Variants in TRAP1 observed in about 807,000 individuals in gnomAD.
TRAP1 encodes the protein heat shock protein 75 kDa, mitochondrial.
Under a neutral mutation model 89.1 loss-of-function variants are expected in TRAP1, and 102 were observed. The observed-to-expected ratio is 1.15, with a 90% CI of 0.98 to 1.35. The LOEUF is 1.35. Ranked by LOEUF, TRAP1 falls within the 40% of genes most tolerant of loss-of-function variation. The pLI, the probability that TRAP1 is intolerant of heterozygous loss-of-function variation, is 0.00. For missense variants in TRAP1, 1,256 were observed against 945.3 expected, an observed-to-expected ratio of 1.33 and a Z score of -4.31; for synonymous variants, 508 against 388.0, an observed-to-expected ratio of 1.31 and a Z score of -3.64.
rs750463851 is a variant in TRAP1, at chr16:3,661,987, C to T, written c.1940G>A (p.Arg647Lys). The change falls in exon 16 of 18, where the codon AGG (arginine) becomes AAG (lysine). Residue 647 changes from arginine (R) to lysine (K), a missense_variant and splice_region_variant. By Grantham distance (26) the Arg-to-Lys change is conservative. Coordinates refer to ENST00000246957, the MANE Select transcript of TRAP1 (RefSeq NM_016292.3). ...LLQPTLEINPRHALIKKLNQL... is the reference protein window; with the variant it reads ...LLQPTLEINPKHALIKKLNQL... ...GGAAGAGCCAGGAGCGTGGCCTCAC[C>T]TGGGGTTGATCTCCAGCGTGGGCTG... 4 of 1,604,032 alleles carry T rather than the reference C, an allele frequency of 2.5e-6. No homozygotes were observed. The highest frequency in any genetic ancestry group is 3.4e-6 in the Non-Finnish European group (4 of 1,174,352).
At position 3,690,856 on chromosome 16, in the gene TRAP1, G is replaced by T; in HGVS notation, c.218C>A (p.Ser73Ter). 6.4e-7 allele frequency: 1 copy of T among 1,554,734 alleles called. No homozygotes were observed. Among genetic ancestry groups the T allele is most frequent in the East Asian group, 2.5e-5 (1 of 40,156 alleles). The part of the protein sequence containing the change: ...TAEDKEEPLH[S>*]IISSTESVQG... The stretch of plus-strand genomic sequence containing the variant: ...CACGCTCTCTGTGCTGCTGATAATC[G>T]AGTGCAGGGGTTCCTCCTTGTCCTC... Residue 73 changes from serine to a stop codon, truncating the protein, a stop_gained, in exon 2 of 18, where the codon TCG becomes TAG. Coordinates refer to ENST00000246957, the MANE Select transcript of TRAP1 (RefSeq NM_016292.3). LOFTEE classifies it high-confidence loss of function.
chr16:3,658,926 A>T (rs772957315), intron 16 of TRAP1, 61 bp from the exon 17 acceptor site: 53 of 1,549,076 alleles, frequency 3.4e-5, no homozygotes, highest in Non-Finnish European at 4.4e-5. Context: ...CCCTCCCTTC[A>T]TGTTTTGGGA....
chr16:3,663,666 A>C (rs556127822), intron 13 of TRAP1, 104 bp from the exon 14 acceptor site: 1 of 1,455,736 alleles, frequency 6.9e-7, no homozygotes, highest in Admixed American at 2.0e-5. Context: ...AGCGGGCCAC[A>C]CTGGGGAACA....
In TRAP1 at chr16:3,664,332, T is replaced by C. The variant is rs558641765; in HGVS notation, c.1511A>G (p.Asn504Ser). 29 of 1,609,860 alleles carry C rather than the reference T, an allele frequency of 1.8e-5. No homozygotes were observed. In the South Asian group the frequency reaches 2.3e-4, roughly 13 times the overall value. ...GGGTGAGTGCTCTGCCAGGTGACGG[T>C]TGGGGGCGCACAGGTAGTAGATGTT... is the stretch of plus-strand genomic sequence containing the variant. ...TRNIYYLCAPNRHLAEHSPYY... is the reference protein window; with the variant it reads ...TRNIYYLCAPSRHLAEHSPYY... Residue 504 changes from asparagine (N) to serine (S), a missense_variant, in exon 13 of 18, where the codon AAC becomes AGC. Asn to Ser is a conservative substitution (Grantham distance 46). Coordinates refer to ENST00000246957, the MANE Select transcript of TRAP1 (RefSeq NM_016292.3).
Position 3,658,200 on chromosome 16 carries a change from G to A in TRAP1, c.2044C>T (p.Leu682Phe), listed in dbSNP as rs755527234. 13 of 1,613,894 alleles carry A rather than the reference G, an allele frequency of 8.1e-6. No homozygotes were observed. The highest frequency in any genetic ancestry group is 1.1e-5 in the Non-Finnish European group (13 of 1,180,016). The change falls in exon 18 of 18, where the codon CTT becomes TTT. Residue 682 changes from leucine to phenylalanine, a missense_variant. Transcript: ENST00000246957. The part of the protein sequence containing the change: ...IYENAMIAAG[L>F]VDDPRAMVGR... ...ACCATGGCCCTAGGGTCGTCAACAA[G>A]TCCAGCAGCAATCATGGCGTTCTCG...
chr16:3,659,273 G>C (rs1258535977), intron 16 of TRAP1: 1 of 171,754 alleles, frequency 5.8e-6, no homozygotes, highest in Non-Finnish European at 1.2e-5. Context: ...ATGTAACGAG[G>C]GTGGACACTG....
intron 13 of TRAP1, 126 bp from the exon 14 acceptor site, chr16:3,663,688 G>A (rs2151242274): frequency 2.5e-6 from 3 of 1,215,796 alleles, no homozygotes; most frequent in Non-Finnish European, 3.4e-6. Context: ...CGGGGCAGTT[G>A]GGGTTCCTAG....
intron 1 of TRAP1, chr16:3,691,249 C>T: frequency 3.5e-6 from 1 of 282,172 alleles, no homozygotes. Flanking sequence ...CTGCTGCCTT[C>T]TTTTCAGAGG....
In TRAP1 at chr16:3,671,613, C is replaced by G. The variant is rs2050913691; in HGVS notation, c.1235+109G>C. 3 of 1,240,868 alleles carry G rather than the reference C, an allele frequency of 2.4e-6. No individual in the cohort carries two copies. The Admixed American group carries it at 6.0e-5, about 25-fold the overall frequency. The allele number at this position is 1,240,868 out of a possible 1,614,324, so 76.9% of individuals were successfully genotyped here. On this transcript the variant is annotated intron_variant, in intron 11 of 17. Coordinates refer to ENST00000246957, the MANE Select transcript of TRAP1 (RefSeq NM_016292.3). ...CCATGTGCAGGCCGGGCTTCCCCGA[C>G]CACCTCTGCTCTCAGCTCCATGGGC... is the stretch of plus-strand genomic sequence containing the variant.
chr16:3,668,279 C>G (rs895550550), intron 11 of TRAP1, among the ~76,000 whole-genome samples: 12 of 151,140 alleles, frequency 7.9e-5, no homozygotes, highest in Non-Finnish European at 1.2e-4. Context: ...AGGCTGGTCT[C>G]GAACTCCTGA....
intron 5 of TRAP1, 99 bp from the exon 6 acceptor site, chr16:3,677,757 T>A: frequency 7.2e-7 from 1 of 1,386,120 alleles, no homozygotes; most frequent in African/African-American, 1.4e-5. Flanking sequence ...GACCCCTTCA[T>A]CCTGAAAACA....
intron 1 of TRAP1, among the ~76,000 whole-genome samples, chr16:3,705,346 G>C (rs918913347): frequency 5.3e-5 from 8 of 152,066 alleles, no homozygotes; most frequent in African/African-American, 1.9e-4. Context: ...TGGGATTACA[G>C]GCATGAGCCA....
intron 14 of TRAP1, 86 bp from the exon 15 acceptor site, chr16:3,663,053 C>T: frequency 9.8e-7 from 1 of 1,024,932 alleles, no homozygotes; most frequent in Non-Finnish European, 1.4e-6. Flanking sequence ...CTTCCAGCTC[C>T]CACCTCCTCT....
intron 1 of TRAP1, among the ~76,000 whole-genome samples, chr16:3,700,108 G>C (rs2051345405): frequency 6.6e-6 from 1 of 152,062 alleles, no homozygotes; most frequent in Non-Finnish European, 1.5e-5. Flanking sequence ...AACACTCTTT[G>C]AAGACAGGAA....
rs767560176 is a variant in TRAP1, at chr16:3,661,971, A to G, written c.1940+16T>C. 1.9e-6 allele frequency: 3 copies of G among 1,589,120 alleles called. No homozygotes were observed. The highest frequency in any genetic ancestry group is 1.1e-5 in the South Asian group (1 of 89,206). ...GGGAATCCCACAGGCTGGAAGAGCC[A>G]GGAGCGTGGCCTCACCTGGGGTTGA... On this transcript the variant is annotated intron_variant, in intron 16 of 17. Coordinates refer to ENST00000246957, the MANE Select transcript of TRAP1 (RefSeq NM_016292.3).
At chr16:3,705,631 C>T (rs533599878) in intron 1 of TRAP1, among the ~76,000 whole-genome samples, 12 of 152,182 alleles carry the variant, frequency 7.9e-5, no homozygotes, top group Middle Eastern at 3.4e-3. Flanking sequence ...AAGAGCACTC[C>T]GCTGTATAGA....
At chr16:3,671,925 G>A (rs569161225) in intron 10 of TRAP1, 134 bp from the exon 11 acceptor site, 45 of 918,342 alleles carry the variant, frequency 4.9e-5, no homozygotes, top group East Asian at 4.7e-4. Context: ...GCAGGGAGGC[G>A]GCACTGCCGG....
Position 3,710,877 on chromosome 16 carries a change from A to ATTTTTTTTTTTTT in TRAP1, c.88+6543_88+6544insAAAAAAAAAAAAA, listed in dbSNP as rs1461150566. 4.3e-5 allele frequency among the ~76,000 whole-genome samples: 4 copies of ATTTTTTTTTTTTT among 93,610 alleles called. 1 individual carries two copies. The highest frequency in any genetic ancestry group is 1.8e-4 in the African/African-American group (4 of 22,212). The allele number at this position is 93,610 out of a possible 152,430, so 61.4% of individuals were successfully genotyped here. ...TGTGTGTATATATATATATATATATATATTTTTTTTTTTGAGACACTGTCA... is the reference window on the plus strand; with the variant it reads ...TGTGTGTATATATATATATATATATATTTTTTTTTTTTTTATTTTTTTTTTTGAGACACTGTCA... On this transcript the variant is annotated intron_variant, in intron 1 of 17. Coordinates refer to ENST00000246957, the MANE Select transcript of TRAP1 (RefSeq NM_016292.3).
chr16:3,708,672 C>T (rs776869895), intron 1 of TRAP1, among the ~76,000 whole-genome samples: 19 of 151,660 alleles, frequency 1.3e-4, no homozygotes, highest in Non-Finnish European at 2.4e-4. Flanking sequence ...ATAAATGAGC[C>T]GGGCATGGTG....
Sources: gnomAD v4.1 joint callset for allele counts (sites outside exome capture counted in the v4.1 genomes callset) on GRCh38, gnomAD v4.1.1 for gene constraint, MANE v1.5 for transcripts, NCBI Gene and HGNC (gene_info 2026-07-23, HGNC 2026-07-21) for gene names.